The following TAFA1 variants were observed in gnomAD, a reference collection of about 807,000 sequenced individuals.
TAFA1 encodes the protein TAFA chemokine like family member 1.
TAFA1 carries 4 observed loss-of-function variants against 18.5 expected under a neutral mutation model. That is an observed-to-expected ratio of 0.22 (90% CI 0.11 to 0.49). The LOEUF (loss-of-function observed/expected upper bound fraction) is 0.49, where lower values mean the gene tolerates loss of function less well. Ranked by LOEUF, TAFA1 falls within the 20% of genes least tolerant of loss-of-function variation. The pLI is 0.98. For synonymous variants in TAFA1, 56 were observed against 55.2 expected, an observed-to-expected ratio of 1.01 and a Z score of -0.06; for missense variants, 147 against 169.0, an observed-to-expected ratio of 0.87 and a Z score of 0.72.
At chr3:68,155,912 A>G (rs1218444015) in intron 2 of TAFA1, among the ~76,000 whole-genome samples, 2 of 152,100 alleles carry the variant, frequency 1.3e-5, no homozygotes, top group African/African-American at 4.8e-5. Context: ...TAATTGATCC[A>G]AGCCTGCCAG....
intron 2 of TAFA1, chr3:68,247,007 G>C (rs2067094278): frequency 1.3e-5 from 2 of 152,130 alleles, no homozygotes; most frequent in South Asian, 4.1e-4. Flanking sequence ...TCATTGGCTT[G>C]ATGTGAGAAA....
chr3:68,321,156 C>T (rs2068692743), intron 2 of TAFA1, among the ~76,000 whole-genome samples: 2 of 152,158 alleles, frequency 1.3e-5, no homozygotes. Flanking sequence ...ATAAATATGG[C>T]CTGCTTCCTG....
chr3:68,122,258 C>T (rs2065408683), intron 2 of TAFA1, among the ~76,000 whole-genome samples: 1 of 151,948 alleles, frequency 6.6e-6, no homozygotes, highest in Non-Finnish European at 1.5e-5. Flanking sequence ...TGAGTATTTC[C>T]CATTCCAGCA....
chr3:68,341,475 A>G (rs2069082142), intron 2 of TAFA1, among the ~76,000 whole-genome samples: 1 of 152,176 alleles, frequency 6.6e-6, no homozygotes, highest in Admixed American at 6.5e-5. Flanking sequence ...GGGGAGGTTC[A>G]AACTCTTGCA....
chr3:68,186,407 T>G (rs2066272341), intron 2 of TAFA1, among the ~76,000 whole-genome samples: 4 of 152,072 alleles, frequency 2.6e-5, no homozygotes, highest in Admixed American at 2.6e-4. Context: ...TCCAATGTGA[T>G]GTTGTACTCC....
chr3:68,273,652 AC>A (rs1276554189), intron 2 of TAFA1, among the ~76,000 whole-genome samples: 4 of 152,106 alleles, frequency 2.6e-5, no homozygotes, highest in Admixed American at 6.6e-5. Flanking sequence ...GTGATTTGAA[AC>A]CACTCTTGCT....
chr3:68,107,639 T>C (rs2065217799), intron 2 of TAFA1, among the ~76,000 whole-genome samples: 1 of 152,132 alleles, frequency 6.6e-6, no homozygotes, highest in Non-Finnish European at 1.5e-5. Flanking sequence ...AAGCGAGCTA[T>C]AGTTGCTATT....
intron 2 of TAFA1, among the ~76,000 whole-genome samples, chr3:68,338,403 T>C (rs1400740515): frequency 6.6e-6 from 1 of 152,252 alleles, no homozygotes; most frequent in Non-Finnish European, 1.5e-5. Flanking sequence ...GTTTGTCTTC[T>C]AGATTTCAGT....
At chr3:68,086,332 T>C (rs1559515014) in intron 2 of TAFA1, among the ~76,000 whole-genome samples, 2 of 152,206 alleles carry the variant, frequency 1.3e-5, no homozygotes, top group African/African-American at 4.8e-5. Flanking sequence ...AGGGTATCTT[T>C]AGGGCTTCTT....
chr3:68,317,072 T>C (rs532458927), intron 2 of TAFA1, among the ~76,000 whole-genome samples: 5 of 152,270 alleles, frequency 3.3e-5, no homozygotes, highest in Admixed American at 2.6e-4. Flanking sequence ...TCAAACTAAA[T>C]ACATATTAAT....
intron 2 of TAFA1, among the ~76,000 whole-genome samples, chr3:68,049,614 G>C (rs777151802): frequency 1.3e-5 from 2 of 151,796 alleles, no homozygotes; most frequent in Non-Finnish European, 2.9e-5. Context: ...TGGAGTTGGA[G>C]GGAATATTTC....
chr3:68,296,613 A>G (rs375363336), intron 2 of TAFA1, among the ~76,000 whole-genome samples: 8 of 152,270 alleles, frequency 5.3e-5, no homozygotes, highest in Admixed American at 5.2e-4. Context: ...TAGGCCCTTA[A>G]CAAACTGGCT....
At chr3:68,440,709 C>T (rs2071360107) in intron 3 of TAFA1, among the ~76,000 whole-genome samples, 1 of 152,100 alleles carries the variant, frequency 6.6e-6, no homozygotes, top group Non-Finnish European at 1.5e-5. Flanking sequence ...TTGTAGTTTC[C>T]CATTGACCTT....
intron 2 of TAFA1, among the ~76,000 whole-genome samples, chr3:68,234,318 C>A (rs1277614991): frequency 6.6e-6 from 1 of 152,174 alleles, no homozygotes; most frequent in Non-Finnish European, 1.5e-5. Flanking sequence ...GAAGTTGCTT[C>A]TATGGCAGCT....
chr3:68,027,026 G>A (rs534559562), intron 2 of TAFA1, among the ~76,000 whole-genome samples: 1 of 151,998 alleles, frequency 6.6e-6, no homozygotes, highest in South Asian at 2.1e-4. Context: ...GGGGGGAGGT[G>A]GCACACACTT....
At chr3:68,156,958 T>C (rs1263613969) in intron 2 of TAFA1, among the ~76,000 whole-genome samples, 1 of 152,218 alleles carries the variant, frequency 6.6e-6, no homozygotes, top group Non-Finnish European at 1.5e-5. Context: ...CAATAACCAC[T>C]GTGCTTTACT....
At chr3:68,041,509 A>G (rs1285773473) in intron 2 of TAFA1, among the ~76,000 whole-genome samples, 1 of 152,110 alleles carries the variant, frequency 6.6e-6, no homozygotes, top group Non-Finnish European at 1.5e-5. Context: ...TGATAGGGAT[A>G]ACTCAAAGTG....
intron 2 of TAFA1, among the ~76,000 whole-genome samples, chr3:68,275,296 G>T (rs2067772842): frequency 6.6e-6 from 1 of 152,044 alleles, no homozygotes; most frequent in African/African-American, 2.4e-5. Context: ...TCTTTGTGGG[G>T]GAGTGAAAGA....
At chr3:68,295,867 C>A (rs991122574) in intron 2 of TAFA1, among the ~76,000 whole-genome samples, 1 of 152,142 alleles carries the variant, frequency 6.6e-6, no homozygotes, top group Non-Finnish European at 1.5e-5. Context: ...TCCTTGGCCT[C>A]CTGTATTCCT....
Sources: gnomAD v4.1 joint callset for allele counts (sites outside exome capture counted in the v4.1 genomes callset) on GRCh38, gnomAD v4.1.1 for gene constraint, MANE v1.5 for transcripts, NCBI Gene and HGNC (gene_info 2026-07-23, HGNC 2026-07-21) for gene names.